Variants in NCALD observed in about 807,000 individuals in gnomAD.
NCALD encodes the protein neurocalcin delta.
In NCALD, 10 loss-of-function variants were observed where a neutral mutation model predicts 18.6. The ratio of observed to expected loss-of-function variants is 0.54; its 90% CI spans 0.33 to 0.91. NCALD has a LOEUF of 0.91. Among genes scored for constraint, NCALD ranks in the 40% least tolerant of loss-of-function variants. The pLI, the probability that NCALD is intolerant of heterozygous loss-of-function variation, is 0.03. For synonymous variants in NCALD, 88 were observed against 87.4 expected, an observed-to-expected ratio of 1.01 and a Z score of -0.04; for missense variants, 184 against 247.6, an observed-to-expected ratio of 0.74 and a Z score of 1.72.
intron 1 of NCALD, among the ~76,000 whole-genome samples, chr8:101,783,262 G>C (rs547451865): frequency 1.1e-4 from 17 of 152,320 alleles, no homozygotes; most frequent in Non-Finnish European, 2.1e-4. Context: ...AGTGAGAAGA[G>C]AGTTGGGGCA....
intron 1 of NCALD, among the ~76,000 whole-genome samples, chr8:101,756,339 A>C (rs1028179508): frequency 6.6e-6 from 1 of 152,168 alleles, no homozygotes; most frequent in Non-Finnish European, 1.5e-5. Flanking sequence ...CCAAGATGTC[A>C]CTGTATAGGT....
chr8:102,077,429 C>T (rs1209489039), intron 1 of NCALD, among the ~76,000 whole-genome samples: 1 of 147,212 alleles, frequency 6.8e-6, no homozygotes, highest in African/African-American at 2.6e-5. Flanking sequence ...ACTGGTGGTA[C>T]CAAATGCCTC....
intron 2 of NCALD, among the ~76,000 whole-genome samples, chr8:101,967,964 T>C (rs1820094947): frequency 6.6e-6 from 1 of 152,046 alleles, no homozygotes; most frequent in African/African-American, 2.4e-5. Flanking sequence ...ACAACCCCAG[T>C]GTAGTGTGAC....
intron 3 of NCALD, among the ~76,000 whole-genome samples, chr8:101,888,026 G>A (rs555048642): frequency 3.4e-4 from 52 of 152,288 alleles, no homozygotes; most frequent in African/African-American, 1.0e-3. Flanking sequence ...CAGTGTCAGC[G>A]TCATGGCAGT....
Position 102,116,582 on chromosome 8 carries a change from A to G in NCALD, c.-210+7655T>C, listed in dbSNP as rs6989763. ...ACTGCCGCCTCCACCTCCCGGGCCC[A>G]AGAGATTCTCCTACCTCAGCCTCCC... is the stretch of plus-strand genomic sequence containing the variant. On this transcript the variant is annotated intron_variant, in intron 1 of 6. Coordinates refer to the NCALD transcript ENST00000311028. Among the ~76,000 whole-genome samples, 907 of 152,278 alleles carry G rather than the reference A, an allele frequency of 6.0e-3. 6 individuals carry two copies. Among genetic ancestry groups the G allele is most frequent in the African/African-American group, 0.021 (863 of 41,546 alleles).
At chr8:101,894,317 G>A (rs1356465987) in intron 3 of NCALD, among the ~76,000 whole-genome samples, 1 of 125,774 alleles carries the variant, frequency 8.0e-6, no homozygotes, top group African/African-American at 3.7e-5. Context: ...AAACCAACGA[G>A]AACAAAGACA....
intron 1 of NCALD, among the ~76,000 whole-genome samples, chr8:101,766,349 G>A (rs535834083): frequency 1.6e-5 from 2 of 128,184 alleles, no homozygotes; most frequent in East Asian, 2.3e-4. Context: ...AAACAAATTC[G>A]CCAGACAGAA....
Position 102,081,543 on chromosome 8 carries a change from G to T in NCALD, c.-210+42694C>A, listed in dbSNP as rs1202281195. 6.9e-5 allele frequency among the ~76,000 whole-genome samples: 3 copies of T among 43,328 alleles called. No individual in the cohort carries two copies. The Admixed American group carries it at 8.4e-4, about 12-fold the overall frequency. 28.4% of individuals were successfully genotyped at this position (43,328 alleles called of 152,430 possible). A position where few individuals can be genotyped will look rare whatever the true frequency, so the allele number is the denominator to read the frequency against. ...TTAAGTCAAGGAGAATTCAAATAAT[G>T]GTAAAAAAAAAAAAAAAAAAAAAAA... On this transcript the variant is annotated intron_variant, in intron 1 of 6. Coordinates refer to the NCALD transcript ENST00000311028.
At chr8:101,826,052 G>C (rs1050971941) in intron 4 of NCALD, among the ~76,000 whole-genome samples, 5 of 152,142 alleles carry the variant, frequency 3.3e-5, no homozygotes, top group Non-Finnish European at 7.4e-5. Context: ...ATTTAGAGGA[G>C]AGGAGAGAAT....
chr8:102,086,344 A>T (rs1824737396), intron 1 of NCALD, among the ~76,000 whole-genome samples: 1 of 152,224 alleles, frequency 6.6e-6, no homozygotes, highest in Non-Finnish European at 1.5e-5. Context: ...TTATTTTGAG[A>T]TTAAACAAAC....
chr8:101,778,977 G>T (rs1470174939), intron 1 of NCALD, among the ~76,000 whole-genome samples: 1 of 152,074 alleles, frequency 6.6e-6, no homozygotes, highest in Non-Finnish European at 1.5e-5. Context: ...GAGGGATGGG[G>T]GATGGAGCTA....
intron 1 of NCALD, among the ~76,000 whole-genome samples, chr8:101,752,440 G>A (rs913975302): frequency 2.0e-5 from 3 of 152,030 alleles, no homozygotes; most frequent in Admixed American, 2.0e-4. Context: ...TTTCAACTTG[G>A]ATTAGTCCAT....
chr8:101,720,946 G>A (rs1297243048), intron 1 of NCALD, among the ~76,000 whole-genome samples: 1 of 152,114 alleles, frequency 6.6e-6, no homozygotes, highest in African/African-American at 2.4e-5. Context: ...GTGAGGGGAC[G>A]ATATGACAGA....
At chr8:102,039,864 C>A (rs1403364715) in intron 1 of NCALD, among the ~76,000 whole-genome samples, 2 of 152,108 alleles carry the variant, frequency 1.3e-5, no homozygotes, top group African/African-American at 2.4e-5. Flanking sequence ...TACCCACCCC[C>A]AAACACTTCC....
chr8:102,080,097 C>G (rs1563599366), intron 1 of NCALD, among the ~76,000 whole-genome samples: 1 of 152,154 alleles, frequency 6.6e-6, no homozygotes, highest in African/African-American at 2.4e-5. Context: ...TGCCACTTAC[C>G]TTCTTAAAAA....
intron 4 of NCALD, among the ~76,000 whole-genome samples, chr8:101,807,769 T>C (rs1343186951): frequency 6.6e-6 from 1 of 152,166 alleles, no homozygotes; most frequent in Non-Finnish European, 1.5e-5. Flanking sequence ...GCATTGTGCT[T>C]TATAATTTAC....
chr8:101,888,395 TTTTATTTATTTA>T (rs1180750395), intron 3 of NCALD, among the ~76,000 whole-genome samples: 21 of 151,494 alleles, frequency 1.4e-4, no homozygotes, highest in African/African-American at 3.9e-4. Flanking sequence ...GGACTTTCTT[TTTTATTTATTTA>T]TTTATTTATT....
chr8:102,030,997 A>G (rs181622998), intron 1 of NCALD, among the ~76,000 whole-genome samples: 216 of 152,176 alleles, frequency 1.4e-3, no homozygotes, highest in African/African-American at 5.0e-3. Flanking sequence ...GACCTTAGAA[A>G]CCCCAATAAC....
At chr8:101,978,412 A>C (rs1396008724) in intron 2 of NCALD, among the ~76,000 whole-genome samples, 1 of 152,188 alleles carries the variant, frequency 6.6e-6, no homozygotes, top group East Asian at 1.9e-4. Flanking sequence ...TGCTTTACAT[A>C]AATTGTATTT....
Sources: allele counts gnomAD v4.1 joint callset (sites outside exome capture counted in the v4.1 genomes callset), GRCh38; gene constraint gnomAD v4.1.1; transcripts MANE v1.5; gene names NCBI Gene and HGNC (gene_info 2026-07-23, HGNC 2026-07-21).